Variants in RBFOX1 observed in about 807,000 individuals in gnomAD.
The protein encoded by RBFOX1 is RNA binding protein fox-1 homolog 1.
In RBFOX1, 8 loss-of-function variants were observed where a neutral mutation model predicts 57.7. The ratio of observed to expected loss-of-function variants is 0.14; its 90% CI spans 0.08 to 0.25. The LOEUF (loss-of-function observed/expected upper bound fraction) is 0.25, where lower values mean the gene tolerates loss of function less well. Among genes scored for constraint, RBFOX1 ranks in the 10% least tolerant of loss-of-function variants. The pLI, the probability that RBFOX1 is intolerant of heterozygous loss-of-function variation, is 1.00. For synonymous variants in RBFOX1, 326 were observed against 222.4 expected, an observed-to-expected ratio of 1.47 and a Z score of -4.15; for missense variants, 611 against 548.5, an observed-to-expected ratio of 1.11 and a Z score of -1.14.
At chr16:6,627,185 T>A (rs1447104406) in intron 2 of RBFOX1, among the ~76,000 whole-genome samples, 1 of 152,068 alleles carries the variant, frequency 6.6e-6, no homozygotes, top group Non-Finnish European at 1.5e-5. Context: ...ATCTAGATCT[T>A]GGGATGGGCA....
chr16:7,119,994 G>A (rs780070852), intron 4 of RBFOX1, among the ~76,000 whole-genome samples: 1 of 151,766 alleles, frequency 6.6e-6, no homozygotes, highest in African/African-American at 2.4e-5. Flanking sequence ...AAATCATATA[G>A]TTGCTTTCCT....
chr16:6,617,317 C>A (rs956063368), intron 2 of RBFOX1, among the ~76,000 whole-genome samples: 67 of 151,852 alleles, frequency 4.4e-4, no homozygotes, highest in African/African-American at 1.6e-3. Context: ...TCTACAAAGC[C>A]TCAAAAACAG....
chr16:7,131,725 C>T (rs1705892817), intron 4 of RBFOX1, among the ~76,000 whole-genome samples: 2 of 151,930 alleles, frequency 1.3e-5, no homozygotes, highest in African/African-American at 2.4e-5. Flanking sequence ...ATACATCTGA[C>T]CAGAGGCTCT....
At chr16:5,819,621 G>C (rs886571865) in intron 3 of RBFOX1, among the ~76,000 whole-genome samples, 3 of 152,186 alleles carry the variant, frequency 2.0e-5, no homozygotes, top group Non-Finnish European at 4.4e-5. Context: ...ACGTTGTACT[G>C]ACGCTGGACT....
chr16:5,758,660 T>A (rs2053482558), intron 3 of RBFOX1, among the ~76,000 whole-genome samples: 1 of 152,150 alleles, frequency 6.6e-6, no homozygotes, highest in South Asian at 2.1e-4. Context: ...ATGAGCACAG[T>A]TCTGGTGATC....
At chr16:7,268,101 A>G (rs767274615) in intron 4 of RBFOX1, among the ~76,000 whole-genome samples, 2 of 152,142 alleles carry the variant, frequency 1.3e-5, no homozygotes, top group Non-Finnish European at 2.9e-5. Flanking sequence ...TGTGCTGAAT[A>G]TGGTAGGCAT....
chr16:6,960,161 G>C (rs993153282), intron 3 of RBFOX1, among the ~76,000 whole-genome samples: 2 of 152,044 alleles, frequency 1.3e-5, no homozygotes, highest in Non-Finnish European at 2.9e-5. Context: ...GGTTTCTAAA[G>C]GAACTCCCCA....
intron 2 of RBFOX1, among the ~76,000 whole-genome samples, chr16:6,561,017 G>T (rs917916410): frequency 6.6e-6 from 1 of 152,106 alleles, no homozygotes; most frequent in East Asian, 1.9e-4. Flanking sequence ...AACTTCAAAC[G>T]CACCCTCCAA....
intron 3 of RBFOX1, among the ~76,000 whole-genome samples, chr16:6,867,531 C>T (rs1446894447): frequency 6.6e-6 from 1 of 152,020 alleles, no homozygotes; most frequent in South Asian, 2.1e-4. Context: ...TCAGCCTGGC[C>T]AACATGGCAA....
chr16:5,537,407 T>C (rs8059013), intron 2 of RBFOX1, among the ~76,000 whole-genome samples: 65,303 of 152,084 alleles, frequency 0.43, 14,425 homozygotes, highest in African/African-American at 0.47. Context: ...TAGTGACTTA[T>C]GCCAACAAAA....
chr16:6,109,682 AC>A (rs1325488108), intron 1 of RBFOX1, among the ~76,000 whole-genome samples: 1 of 152,162 alleles, frequency 6.6e-6, no homozygotes, highest in Non-Finnish European at 1.5e-5. Flanking sequence ...ATGAGGGCTT[AC>A]CAATTAAAGA....
chr16:7,516,005 C>T (rs545415473), intron 4 of RBFOX1, among the ~76,000 whole-genome samples: 4 of 152,120 alleles, frequency 2.6e-5, no homozygotes, highest in South Asian at 2.1e-4. Context: ...CCACCATGCC[C>T]GGCTAATTTT....
chr16:7,355,412 G>A (rs1335081366), intron 4 of RBFOX1, among the ~76,000 whole-genome samples: 2 of 152,092 alleles, frequency 1.3e-5, no homozygotes, highest in East Asian at 3.9e-4. Flanking sequence ...CCTTTCTCCT[G>A]TCCTACCTCC....
At chr16:6,412,244 AG>A (rs1253757434) in intron 2 of RBFOX1, among the ~76,000 whole-genome samples, 22 of 152,338 alleles carry the variant, frequency 1.4e-4, no homozygotes, top group Middle Eastern at 3.4e-3. Context: ...ATCTCACCAG[AG>A]AAAAGGTATG....
At chr16:6,970,673 C>T (rs571935931) in intron 3 of RBFOX1, among the ~76,000 whole-genome samples, 3 of 152,270 alleles carry the variant, frequency 2.0e-5, no homozygotes, top group East Asian at 1.9e-4. Context: ...ATGACGTAAT[C>T]ACCTTCTAAA....
intron 2 of RBFOX1, among the ~76,000 whole-genome samples, chr16:6,575,128 C>T (rs1600321776): frequency 6.6e-6 from 1 of 151,512 alleles, no homozygotes; most frequent in African/African-American, 2.4e-5. Context: ...CGCAAGGCGA[C>T]AGGACAGATT....
chr16:5,835,300 G>A (rs1482400379), intron 3 of RBFOX1, among the ~76,000 whole-genome samples: 1 of 152,172 alleles, frequency 6.6e-6, no homozygotes, highest in African/African-American at 2.4e-5. Context: ...CCCACCACAT[G>A]GGAGGAGGAA....
intron 1 of RBFOX1, among the ~76,000 whole-genome samples, chr16:5,350,515 A>G (rs965830465): frequency 3.3e-5 from 5 of 151,980 alleles, no homozygotes; most frequent in African/African-American, 1.2e-4. Context: ...TCTTTGTTGG[A>G]TGTATGTGTC....
In RBFOX1 at chr16:7,164,197, T is replaced by A. The variant is rs573400905; in HGVS notation, c.27+112099T>A. Among the ~76,000 whole-genome samples the A allele has an allele frequency of 3.5e-4, 54 of 152,242 alleles. 1 individual carries two copies. The highest frequency in any genetic ancestry group is 1.2e-3 in the African/African-American group (50 of 41,562). The stretch of plus-strand genomic sequence containing the variant: ...GTCCTCATAGCTTAGCCCCCACATA[T>A]GAGTGAGAACATATGATGTTTGCTT... On this transcript the variant is annotated intron_variant, in intron 4 of 15. Coordinates refer to ENST00000550418, the MANE Select transcript of RBFOX1 (RefSeq NM_018723.4).
Sources: gnomAD v4.1 joint callset for allele counts (sites outside exome capture counted in the v4.1 genomes callset) on GRCh38, gnomAD v4.1.1 for gene constraint, MANE v1.5 for transcripts, NCBI Gene and HGNC (gene_info 2026-07-23, HGNC 2026-07-21) for gene names.